Variants in CUX1 observed in about 807,000 individuals in gnomAD.
CUX1 encodes the protein cut like homeobox 1.
In CUX1, 31 loss-of-function variants were observed where a neutral mutation model predicts 158.8. The ratio of observed to expected loss-of-function variants is 0.20; its 90% confidence interval spans 0.15 to 0.26. The LOEUF (loss-of-function observed/expected upper bound fraction) is 0.26. Among genes scored for constraint, CUX1 ranks in the 10% least tolerant of loss-of-function variants. CUX1 has a pLI of 1.00. For synonymous variants in CUX1, 879 were observed against 862.1 expected (o/e 1.02, Z -0.34); for missense variants, 1,589 against 2,014.6 (o/e 0.79, Z 4.04).
At chr7:102,011,208 A>G (rs966679289) in intron 2 of CUX1, among the ~76,000 whole-genome samples, 2 of 152,086 alleles carry the variant, frequency 1.3e-5, no homozygotes, top group Non-Finnish European at 2.9e-5. Flanking sequence ...TGGTGTATTC[A>G]TGCCAAGGAT....
At chr7:102,176,550 C>T (rs1554512046) in intron 10 of CUX1, among the ~76,000 whole-genome samples, 1 of 147,440 alleles carries the variant, frequency 6.8e-6, no homozygotes, top group Non-Finnish European at 1.5e-5. Flanking sequence ...TTTCAGGAGC[C>T]AGGATTCCTT....
At position 101,901,642 on chromosome 7, in the gene CUX1, C is replaced by G. The variant is rs146555779; in HGVS notation, c.31-14473C>G. On this transcript the variant is annotated intron_variant, in intron 1 of 23. Transcript: ENST00000292535. ...AAGTTATAAGCAGCCAGTGGCCCAC[C>G]AGGCCCAGCTGTACGTTCCCAGGGA... Among the ~76,000 whole-genome samples, 7 of 152,308 alleles carry G rather than the reference C, an allele frequency of 4.6e-5. No homozygotes were observed. In the East Asian group the frequency reaches 1.2e-3, roughly 25 times the overall value.
At chr7:101,929,910 C>T (rs531650761) in intron 2 of CUX1, among the ~76,000 whole-genome samples, 20 of 152,272 alleles carry the variant, frequency 1.3e-4, no homozygotes, top group Admixed American at 9.2e-4. Context: ...GGCCTGATCT[C>T]GGCTCACTGC....
chr7:102,025,939 G>A (rs10953357), intron 2 of CUX1, among the ~76,000 whole-genome samples: 60,565 of 152,014 alleles, frequency 0.4, 12,853 homozygotes, highest in Non-Finnish European at 0.46. Context: ...CACTGTGGGA[G>A]ATCAAGACAG....
chr7:102,254,704 C>T lies in CUX1; in HGVS notation c.*5662C>T. On this transcript the variant is annotated 3_prime_UTR_variant, in exon 24 of 24. Coordinates refer to ENST00000292535, the MANE Select transcript of CUX1 (RefSeq NM_181552.4). ...TGTGGTTTCACCTGGGCATCGACGA[C>T]ATTAGGGAAGCCTTTGTGACCACAA... 4 of 985,518 alleles carry T rather than the reference C, an allele frequency of 4.1e-6. No individual in the cohort carries two copies. The highest frequency in any genetic ancestry group is 4.8e-6 in the Non-Finnish European group (4 of 829,988). 61.0% of individuals were successfully genotyped at this position (985,518 alleles called of 1,614,324 possible).
chr7:101,856,561 A>G (rs996774263), intron 1 of CUX1, among the ~76,000 whole-genome samples: 3 of 152,212 alleles, frequency 2.0e-5, no homozygotes, highest in Non-Finnish European at 4.4e-5. Flanking sequence ...CAGGACAGAC[A>G]AAGCCACGCA....
chr7:101,955,130 A>C (rs1372637632), intron 2 of CUX1, among the ~76,000 whole-genome samples: 1 of 151,120 alleles, frequency 6.6e-6, no homozygotes, highest in Non-Finnish European at 1.5e-5. Flanking sequence ...ATGCCACTGC[A>C]CTCCAGCGTG....
In CUX1 at chr7:102,135,555, TTGTG is replaced by T. The variant is rs1159056399; in HGVS notation, c.674+20294_674+20297del. Reference sequence around the variant, plus strand: ...TTCAGACCCATATTTGAGGGTCAACTTGTGTGTGTGTGTGTTTGTGTGTGTGTGT... The same window carrying T: ...TTCAGACCCATATTTGAGGGTCAACTTGTGTGTGTGTTTGTGTGTGTGTGT... On this transcript the variant is annotated intron_variant, in intron 8 of 23. Transcript: ENST00000292535. Among the ~76,000 whole-genome samples the T allele has an allele frequency of 1.1e-4, 16 of 140,854 alleles. No homozygotes were observed. In the East Asian group the frequency reaches 2.5e-3, roughly 22 times the overall value. The allele number at this position is 140,854 out of a possible 152,430, so 92.4% of individuals were successfully genotyped here.
intron 2 of CUX1, among the ~76,000 whole-genome samples, chr7:101,937,199 T>G (rs1358613632): frequency 2.0e-5 from 3 of 152,140 alleles, no homozygotes; most frequent in Non-Finnish European, 4.4e-5. Flanking sequence ...CTGAAGACCC[T>G]GTACCGGGAT....
Position 102,196,573 on chromosome 7 carries a change from T to C in CUX1, c.1223-61T>C, listed in dbSNP as rs376825863. The stretch of plus-strand genomic sequence containing the variant: ...GGGGGCAAACTTTTGCATTTTGGTC[T>C]TGGTTTTTTTTTCCCCCTTTGGAAT... On this transcript the variant is annotated intron_variant, in intron 14 of 23. Coordinates refer to ENST00000292535, the MANE Select transcript of CUX1 (RefSeq NM_181552.4). 1.2e-5 allele frequency: 17 copies of C among 1,402,710 alleles called. No homozygotes were observed. The East Asian group carries it at 2.6e-4, about 21-fold the overall frequency. The allele number at this position is 1,402,710 out of a possible 1,614,324, so 86.9% of individuals were successfully genotyped here.
intron 1 of CUX1, among the ~76,000 whole-genome samples, chr7:101,891,342 C>G (rs545195690): frequency 3.5e-4 from 54 of 152,272 alleles, no homozygotes; most frequent in Non-Finnish European, 5.4e-4. Context: ...CCTCAGACTC[C>G]CGAGTAGCTG....
chr7:102,129,212 C>G (rs1279870261), intron 8 of CUX1, among the ~76,000 whole-genome samples: 6 of 152,188 alleles, frequency 3.9e-5, no homozygotes, highest in African/African-American at 9.6e-5. Context: ...TCCATATTAG[C>G]GTGCCACAGC....
intron 8 of CUX1, 54 bp from the exon 9 acceptor site, chr7:102,158,506 C>T: frequency 1.3e-6 from 2 of 1,582,982 alleles, no homozygotes; most frequent in Non-Finnish European, 1.7e-6. Context: ...CATCAGTCAC[C>T]CCCTGAGCCG....
intron 14 of CUX1, among the ~76,000 whole-genome samples, chr7:102,266,203 CA>C (rs34666659): frequency 0.25 from 25,652 of 100,860 alleles, 2,213 homozygotes; most frequent in South Asian, 0.34. Context: ...GACTCCGTTT[CA>C]AAAAAAAAAA....
intron 2 of CUX1, among the ~76,000 whole-genome samples, chr7:101,965,066 TA>T (rs1241927936): frequency 1.3e-5 from 2 of 152,240 alleles, no homozygotes; most frequent in Non-Finnish European, 2.9e-5. Context: ...ACCATGAACC[TA>T]CTTCTTGCCA....
At chr7:102,264,037 G>T (rs1790621342) in intron 14 of CUX1, among the ~76,000 whole-genome samples, 2 of 105,642 alleles carry the variant, frequency 1.9e-5, no homozygotes, top group Admixed American at 1.2e-4. Flanking sequence ...ACGGAGTCTT[G>T]CTCTGTCACC....
chr7:102,071,943 G>A (rs944150331), intron 4 of CUX1, among the ~76,000 whole-genome samples: 3 of 152,160 alleles, frequency 2.0e-5, no homozygotes, highest in African/African-American at 7.2e-5. Flanking sequence ...CTAGTTATTG[G>A]TTCCAAATTC....
intron 1 of CUX1, among the ~76,000 whole-genome samples, chr7:101,901,450 C>T (rs1000689064): frequency 2.0e-5 from 3 of 151,962 alleles, no homozygotes; most frequent in Admixed American, 6.6e-5. Flanking sequence ...TGCACCACCA[C>T]GCCCGGCTAT....
At chr7:102,086,772 T>C (rs1404722804) in intron 4 of CUX1, among the ~76,000 whole-genome samples, 2 of 152,150 alleles carry the variant, frequency 1.3e-5, no homozygotes, top group African/African-American at 2.4e-5. Flanking sequence ...TTTTTCTTTT[T>C]TCTTTCAGTT....
Sources: allele counts gnomAD v4.1 joint callset (sites outside exome capture counted in the v4.1 genomes callset), GRCh38; gene constraint gnomAD v4.1.1; transcripts MANE v1.5; gene names NCBI Gene and HGNC (gene_info 2026-07-23, HGNC 2026-07-21).